Variants in BEND4 observed in about 807,000 individuals in gnomAD.
BEND4 encodes BEN domain containing 4.
Under a neutral mutation model 54.7 loss-of-function variants are expected in BEND4, and 27 were observed. That is an observed-to-expected ratio of 0.49 (90% confidence interval 0.36 to 0.68). BEND4 has a LOEUF of 0.68. Among genes scored for constraint, BEND4 ranks in the 30% least tolerant of loss-of-function variants. BEND4 has a pLI of 0.00. For synonymous variants in BEND4, 327 were observed against 299.5 expected (o/e 1.09, Z -0.95); for missense variants, 702 against 697.2 (o/e 1.01, Z -0.08).
At position 42,120,061 on chromosome 4, in the gene BEND4, G is replaced by C; in HGVS notation, c.1380C>G (p.Cys460Trp). Residue 460 changes from cysteine (C) to tryptophan (W), a missense_variant, in exon 5 of 6, where the codon TGC becomes TGG. Cys to Trp is a radical substitution (Grantham distance 215). Transcript: ENST00000502486. ...AGCGGAAGGATGCAGTACCTCGGAG[G>C]CATGTTACTTTAACTGGATCCAGAG... is the stretch of plus-strand genomic sequence containing the variant. ...RRPLDPVKVT[C>W]LREFIRMHCT... The C allele has an allele frequency of 6.2e-7, 1 of 1,613,936 alleles. No homozygotes were observed.
intron 4 of BEND4, 116 bp downstream of exon 4, chr4:42,125,466 TA>T: frequency 1.3e-6 from 1 of 749,900 alleles, no homozygotes. Context: ...AACAGACCCA[TA>T]AACCTCAGTC....
At chr4:42,148,242 T>C (rs1297218987) in intron 2 of BEND4, among the ~76,000 whole-genome samples, 1 of 152,212 alleles carries the variant, frequency 6.6e-6, no homozygotes, top group Non-Finnish European at 1.5e-5. Flanking sequence ...CAATGAACTA[T>C]GTCTTTTTTA....
Position 42,115,990 on chromosome 4 carries a change from A to T in BEND4, c.*1528T>A, listed in dbSNP as rs1414810751. The T allele has an allele frequency of 6.6e-6, 1 of 152,228 alleles. No homozygotes were observed. The highest frequency in any genetic ancestry group is 1.5e-5 in the Non-Finnish European group (1 of 68,032). The allele number at this position is 152,228 out of a possible 1,614,324, so 9.4% of individuals were successfully genotyped here. A position where few individuals can be genotyped will look rare whatever the true frequency, so the allele number is the denominator to read the frequency against. The stretch of plus-strand genomic sequence containing the variant: ...TCAATGGATGAATTCTAGTAATACA[A>T]AAAAGCTAATAAACAAAAGCTACAG... On this transcript the variant is annotated 3_prime_UTR_variant, in exon 6 of 6. Transcript: ENST00000502486.
In BEND4 at chr4:42,117,458, G is replaced by T; in HGVS notation, c.*60C>A. The T allele has an allele frequency of 1.7e-6, 2 of 1,210,434 alleles. No individual in the cohort carries two copies. Among genetic ancestry groups the T allele is most frequent in the Admixed American group, 2.0e-5 (1 of 49,296 alleles). 75.0% of individuals were successfully genotyped at this position (1,210,434 alleles called of 1,614,324 possible). A position where few individuals can be genotyped will look rare whatever the true frequency, so the allele number is the denominator to read the frequency against. ...TTTGGACTCTCAGGTGACAGGAACA[G>T]GACATTCACAATTGGAACTCTTGAG... On this transcript the variant is annotated 3_prime_UTR_variant, in exon 6 of 6. Coordinates refer to ENST00000502486, the MANE Select transcript of BEND4 (RefSeq NM_207406.4).
chr4:42,148,187 T>G (rs1721143800), intron 2 of BEND4, among the ~76,000 whole-genome samples: 1 of 152,134 alleles, frequency 6.6e-6, no homozygotes, highest in Admixed American at 6.5e-5. Flanking sequence ...AAAATAGAAG[T>G]TAGAAAATCA....
Position 42,123,694 on chromosome 4 carries a change from G to GAAAAAAA in BEND4, c.1146+1882_1146+1888dup, listed in dbSNP as rs71664396. Reference sequence around the variant, plus strand: ...ATATTTACTTTGGATCTGTAATTCAGAAAAAAAAAAAAAAAAAAAAAAACA... The same window carrying GAAAAAAA: ...ATATTTACTTTGGATCTGTAATTCAGAAAAAAAAAAAAAAAAAAAAAAAAAAAAAACA... On this transcript the variant is annotated intron_variant, in intron 4 of 5. Transcript: ENST00000502486. Among the ~76,000 whole-genome samples, 327 of 50,738 alleles carry GAAAAAAA rather than the reference G, an allele frequency of 6.4e-3. 11 individuals carry two copies. Among genetic ancestry groups the GAAAAAAA allele is most frequent in the African/African-American group, 0.023 (302 of 13,264 alleles). The allele number at this position is 50,738 out of a possible 152,430, so 33.3% of individuals were successfully genotyped here.
chr4:42,119,881 G>A (rs961574849), intron 5 of BEND4, 173 bp downstream of exon 5: 15 of 726,284 alleles, frequency 2.1e-5, no homozygotes, highest in South Asian at 6.9e-5. Context: ...TAAGGCAAAC[G>A]GAGGTTTTTA....
At chr4:42,123,467 GAC>G (rs945473216) in intron 4 of BEND4, among the ~76,000 whole-genome samples, 5 of 151,834 alleles carry the variant, frequency 3.3e-5, no homozygotes, top group Admixed American at 6.6e-5. Context: ...TCAAATGGAA[GAC>G]ACAGGTGTAC....
intron 2 of BEND4, among the ~76,000 whole-genome samples, chr4:42,150,057 A>G (rs1300834335): frequency 6.6e-6 from 1 of 152,200 alleles, no homozygotes; most frequent in African/African-American, 2.4e-5. Flanking sequence ...AGAAAATGGG[A>G]AAAGGACCCA....
rs1005497981 is a variant in BEND4 at position 42,120,235 on chromosome 4, C to T, written c.1206G>A (p.Glu402=). 6.2e-7 allele frequency: 1 copy of T among 1,613,798 alleles called. No homozygotes were observed. Among genetic ancestry groups the T allele is most frequent in the East Asian group, 2.2e-5 (1 of 44,878 alleles). Residue 402 remains glutamate, a synonymous_variant, in exon 5 of 6, where the codon GAG becomes GAA. Coordinates refer to ENST00000502486, the MANE Select transcript of BEND4 (RefSeq NM_207406.4). ...CATCTTTCTTTGAAGAATTTACAGC[C>T]TCATCCCACTGTTTGCTCGTTATGT... The part of the protein sequence containing the change: ...PVYITSKQWD[E]AVNSSKKDGR...
At chr4:42,151,493 T>A in intron 2 of BEND4, 164 bp downstream of exon 2, 1 of 667,672 alleles carries the variant, frequency 1.5e-6, no homozygotes. Context: ...CGCTGGAGAA[T>A]CCTCTCGAAG....
chr4:42,129,631 A>C (rs966955010), intron 3 of BEND4, among the ~76,000 whole-genome samples: 1 of 152,198 alleles, frequency 6.6e-6, no homozygotes, highest in African/African-American at 2.4e-5. Flanking sequence ...AAGAACAAGC[A>C]ATGGGGAAAG....
At chr4:42,128,424 C>G (rs1720372215) in intron 3 of BEND4, among the ~76,000 whole-genome samples, 1 of 152,078 alleles carries the variant, frequency 6.6e-6, no homozygotes, top group South Asian at 2.1e-4. Context: ...GAGATCAAGA[C>G]CATCCTGGCT....
chr4:42,117,627 G>T lies in BEND4; in HGVS notation c.1496C>A (p.Ala499Glu), dbSNP rs759939750. ...DAVGHARQGR[A>E]VGTFLHNGGS... ...ACCGTTGTGCAGGAAAGTCCCCACC[G>T]CCCGCCCCTGTCGGGCGTGACCGAC... Residue 499 changes from alanine to glutamate, a missense_variant, in exon 6 of 6, where the codon GCG becomes GAG. Coordinates refer to ENST00000502486, the MANE Select transcript of BEND4 (RefSeq NM_207406.4). 1 of 1,612,318 alleles carries T rather than the reference G, an allele frequency of 6.2e-7. No individual in the cohort carries two copies. The highest frequency in any genetic ancestry group is 8.5e-7 in the Non-Finnish European group (1 of 1,179,144).
chr4:42,144,022 G>A (rs1380825951), intron 2 of BEND4, 28 bp from the exon 3 acceptor site: 4 of 1,532,880 alleles, frequency 2.6e-6, no homozygotes, highest in African/African-American at 1.4e-5. Flanking sequence ...ACACATCAGT[G>A]ACCAACAGCC....
Position 42,120,203 on chromosome 4 carries a change from C to T in BEND4, c.1238G>A (p.Arg413Gln), listed in dbSNP as rs2153144662. 6.2e-7 allele frequency: 1 copy of T among 1,613,910 alleles called. No individual in the cohort carries two copies. Residue 413 changes from arginine (R) to glutamine (Q), a missense_variant, in exon 5 of 6, where the codon CGG becomes CAG. Arg to Gln is a conservative substitution (Grantham distance 43). Coordinates refer to ENST00000502486, the MANE Select transcript of BEND4 (RefSeq NM_207406.4). ...AAATCTGATGAGGTATCGAAGGAGC[C>T]GTCTCCCATCTTTCTTTGAAGAATT... ...AVNSSKKDGRRLLRYLIRFVF... is the reference protein window; with the variant it reads ...AVNSSKKDGRQLLRYLIRFVF...
rs1719714812 is a variant in BEND4, at chr4:42,114,430, CG to C, written c.*3087del. The C allele has an allele frequency of 6.6e-6, 1 of 152,202 alleles. No individual in the cohort carries two copies. Among genetic ancestry groups the C allele is most frequent in the African/African-American group, 2.4e-5 (1 of 41,432 alleles). The allele number at this position is 152,202 out of a possible 1,614,324, so 9.4% of individuals were successfully genotyped here. A position where few individuals can be genotyped will look rare whatever the true frequency, so the allele number is the denominator to read the frequency against. On this transcript the variant is annotated 3_prime_UTR_variant, in exon 6 of 6. Coordinates refer to ENST00000502486, the MANE Select transcript of BEND4 (RefSeq NM_207406.4). ...TTAGTCTTTGTTGTCAAGCCAGCCC[CG>C]TGACCTCCTCCTCTCACCAATTAAG...
rs1053963115 is a variant in BEND4 at position 42,111,064 on chromosome 4, A to G, written c.*6454T>C. On this transcript the variant is annotated 3_prime_UTR_variant, in exon 6 of 6. Transcript: ENST00000502486. Reference sequence around the variant, plus strand: ...CCTGAAATAATTGGCTCTAGTAACAAATGTCTCTTATAATTAAAAATATTG... The same window carrying G: ...CCTGAAATAATTGGCTCTAGTAACAGATGTCTCTTATAATTAAAAATATTG... The G allele has an allele frequency of 1.3e-5, 2 of 152,196 alleles. No homozygotes were observed. Among genetic ancestry groups the G allele is most frequent in the African/African-American group, 4.8e-5 (2 of 41,452 alleles). 9.4% of individuals were successfully genotyped at this position (152,196 alleles called of 1,614,324 possible). A position where few individuals can be genotyped will look rare whatever the true frequency, so the allele number is the denominator to read the frequency against.
intron 2 of BEND4, among the ~76,000 whole-genome samples, chr4:42,147,813 A>G (rs931754546): frequency 3.3e-5 from 5 of 152,094 alleles, no homozygotes; most frequent in African/African-American, 9.7e-5. Context: ...AATCCATCCT[A>G]TATCTGATAA....
Sources: gnomAD v4.1 joint callset for allele counts (sites outside exome capture counted in the v4.1 genomes callset) on GRCh38, gnomAD v4.1.1 for gene constraint, MANE v1.5 for transcripts, NCBI Gene and HGNC (gene_info 2026-07-23, HGNC 2026-07-21) for gene names.